ROBO2: variants seen among roughly 807,000 people sequenced by gnomAD.
ROBO2 encodes roundabout homolog 2.
ROBO2 carries 53 observed loss-of-function variants against 160.8 expected under a neutral mutation model. The ratio of observed to expected loss-of-function variants is 0.33; its 90% CI spans 0.26 to 0.41. The LOEUF is 0.41. ROBO2 is among the 10% of genes least tolerant of loss of function. ROBO2 has a pLI of 1.00. For synonymous variants in ROBO2, 664 were observed against 611.7 expected, an observed-to-expected ratio of 1.09 and a Z score of -1.26; for missense variants, 1,577 against 1,722.4, an observed-to-expected ratio of 0.92 and a Z score of 1.49.
intron 2 of ROBO2, among the ~76,000 whole-genome samples, chr3:76,676,285 A>AAAGGGTTTGCCCCTCTTCACTTT (rs1408742243): frequency 6.6e-6 from 1 of 151,806 alleles, no homozygotes. Context: ...ATGGTTTTGT[A>AAAGGGTTTGCCCCTCTTCACTTT]AAGGGTTTGC....
intron 2 of ROBO2, among the ~76,000 whole-genome samples, chr3:76,004,887 G>T (rs920603495): frequency 1.3e-5 from 2 of 152,140 alleles, no homozygotes; most frequent in African/African-American, 4.8e-5. Context: ...ATTATTGTTT[G>T]GATGTGTCCC....
At chr3:77,269,170 T>G (rs2153351232) in intron 2 of ROBO2, among the ~76,000 whole-genome samples, 1 of 152,324 alleles carries the variant, frequency 6.6e-6, no homozygotes, top group African/African-American at 2.4e-5. Flanking sequence ...TCCAGCTTTC[T>G]GAACCAATTA....
intron 6 of ROBO2, chr3:77,538,838 A>G (rs1278462653): frequency 2.0e-6 from 1 of 488,784 alleles, no homozygotes; most frequent in South Asian, 1.5e-5. Flanking sequence ...ATTGCATTGC[A>G]AAGAAACGAT....
intron 2 of ROBO2, among the ~76,000 whole-genome samples, chr3:77,219,111 G>A (rs1363412233): frequency 6.6e-6 from 1 of 151,866 alleles, no homozygotes; most frequent in African/African-American, 2.4e-5. Flanking sequence ...TGGGATTACA[G>A]GTGCCTACCA....
intron 2 of ROBO2, among the ~76,000 whole-genome samples, chr3:77,448,428 G>A (rs1248656690): frequency 6.6e-6 from 1 of 152,098 alleles, no homozygotes; most frequent in East Asian, 1.9e-4. Flanking sequence ...GTGTCCCCAG[G>A]TAAGATCAAG....
At chr3:76,411,961 G>A (rs2075510167) in intron 2 of ROBO2, among the ~76,000 whole-genome samples, 2 of 151,810 alleles carry the variant, frequency 1.3e-5, no homozygotes, top group Admixed American at 6.5e-5. Flanking sequence ...AAAATGCCTT[G>A]TATTAGTCCA....
In ROBO2 at chr3:77,046,375, C is replaced by T. The variant is rs185859046; in HGVS notation, c.61+5529C>T. Among the ~76,000 whole-genome samples, 357 of 152,312 alleles carry T rather than the reference C, an allele frequency of 2.3e-3. 5 individuals are homozygous for T. The highest frequency in any genetic ancestry group is 7.9e-3 in the African/African-American group (327 of 41,560). ...TTCTAATCCCTTCAGTGGTTGTTGT[C>T]TTCTAAGTCTTCCTCAGTTGCCTCG... On this transcript the variant is annotated intron_variant, in intron 1 of 25. Transcript: ENST00000461745.
intron 2 of ROBO2, among the ~76,000 whole-genome samples, chr3:76,013,866 T>C (rs1214076615): frequency 6.6e-6 from 1 of 151,890 alleles, no homozygotes; most frequent in Non-Finnish European, 1.5e-5. Flanking sequence ...ATAAAGGCAA[T>C]TGGCGGCTGG....
intron 2 of ROBO2, among the ~76,000 whole-genome samples, chr3:76,029,230 C>T (rs1039952739): frequency 1.3e-5 from 2 of 151,930 alleles, no homozygotes; most frequent in African/African-American, 4.8e-5. Context: ...TGGAAGTTAA[C>T]ATGAAAAATT....
At chr3:77,439,968 A>C (rs557941585) in intron 2 of ROBO2, among the ~76,000 whole-genome samples, 1 of 152,304 alleles carries the variant, frequency 6.6e-6, no homozygotes, top group East Asian at 1.9e-4. Flanking sequence ...TTATTGAATG[A>C]ATGATGTAGC....
chr3:76,481,612 A>T (rs2079211785), intron 2 of ROBO2, among the ~76,000 whole-genome samples: 1 of 152,164 alleles, frequency 6.6e-6, no homozygotes, highest in Admixed American at 6.6e-5. Flanking sequence ...TTGCATCAGC[A>T]TCATCTGGGA....
At chr3:76,023,904 G>GA (rs1357101841) in intron 2 of ROBO2, among the ~76,000 whole-genome samples, 3 of 151,188 alleles carry the variant, frequency 2.0e-5, no homozygotes, top group Non-Finnish European at 4.4e-5. Flanking sequence ...AGGTTACAGA[G>GA]AAAAAAAGTG....
intron 2 of ROBO2, among the ~76,000 whole-genome samples, chr3:76,551,806 C>G (rs938911943): frequency 1.1e-4 from 17 of 152,088 alleles, no homozygotes; most frequent in African/African-American, 4.1e-4. Context: ...CCTGTGCTGG[C>G]ACCTGGAGCT....
chr3:77,007,753 C>T (rs969413208), intron 2 of ROBO2, among the ~76,000 whole-genome samples: 1 of 152,084 alleles, frequency 6.6e-6, no homozygotes, highest in African/African-American at 2.4e-5. Flanking sequence ...GTACAAACAT[C>T]TTTGAGCATC....
In ROBO2 at chr3:77,136,304, T is replaced by G. The variant is rs546196050; in HGVS notation, c.388+37964T>G. On this transcript the variant is annotated intron_variant, in intron 2 of 25. Coordinates refer to ENST00000461745, the Ensembl canonical transcript of ROBO2. ...TCTTGATTAAGGTTTTTATTTGGCC[T>G]AAGTCTGACTTAAGATTTTTATAAA... is the stretch of plus-strand genomic sequence containing the variant. 2.0e-5 allele frequency among the ~76,000 whole-genome samples: 3 copies of G among 152,220 alleles called. No individual in the cohort carries two copies. In the East Asian group the frequency reaches 5.8e-4, roughly 29 times the overall value.
chr3:76,349,728 A>G (rs530750788), intron 2 of ROBO2, among the ~76,000 whole-genome samples: 55 of 152,200 alleles, frequency 3.6e-4, no homozygotes, highest in African/African-American at 1.2e-3. Flanking sequence ...GAAACAAAGG[A>G]CAGTTATTAC....
intron 2 of ROBO2, among the ~76,000 whole-genome samples, chr3:77,432,267 G>A (rs1023962062): frequency 5.3e-5 from 8 of 152,064 alleles, no homozygotes; most frequent in African/African-American, 1.7e-4. Flanking sequence ...TTATATACGG[G>A]CTTATTTTTC....
At chr3:77,485,081 C>T (rs1560968697) in intron 4 of ROBO2, among the ~76,000 whole-genome samples, 1 of 152,066 alleles carries the variant, frequency 6.6e-6, no homozygotes, top group Admixed American at 6.6e-5. Flanking sequence ...AGGTCAACAC[C>T]GTAAACCTAA....
At chr3:76,453,991 A>G (rs989682712) in intron 2 of ROBO2, among the ~76,000 whole-genome samples, 3 of 152,146 alleles carry the variant, frequency 2.0e-5, no homozygotes, top group Non-Finnish European at 2.9e-5. Flanking sequence ...CACCTGGGCC[A>G]TGCTCATTTC....
Sources: allele counts gnomAD v4.1 joint callset (sites outside exome capture counted in the v4.1 genomes callset), GRCh38; gene constraint gnomAD v4.1.1; transcripts MANE v1.5; gene names NCBI Gene and HGNC (gene_info 2026-07-23, HGNC 2026-07-21).